Variants in CES1 observed in about 807,000 individuals in gnomAD.
CES1 encodes liver carboxylesterase 1.
CES1 carries 50 observed loss-of-function variants against 53.0 expected under a neutral mutation model. The observed-to-expected ratio is 0.94, with a 90% CI of 0.75 to 1.19. The LOEUF is 1.19. Among genes scored for constraint, CES1 ranks in the 50% most tolerant of loss-of-function variants. CES1 has a pLI of 0.00. For missense variants in CES1, 534 were observed against 538.0 expected (o/e 0.99, Z 0.07); for synonymous variants, 202 against 210.1 (o/e 0.96, Z 0.33).
intron 1 of CES1, among the ~76,000 whole-genome samples, chr16:55,829,250 T>C (rs1251052250): frequency 1.3e-5 from 2 of 152,158 alleles, no homozygotes; most frequent in African/African-American, 4.8e-5. Flanking sequence ...ACATTTAGCT[T>C]CCCCCTTAGA....
At chr16:55,827,659 C>G (rs140652622) in intron 2 of CES1, among the ~76,000 whole-genome samples, 40 of 152,142 alleles carry the variant, frequency 2.6e-4, no homozygotes, top group African/African-American at 9.4e-4. Flanking sequence ...CTTAATGACC[C>G]CAAATAAAAG....
chr16:55,830,773 A>AGAAGGAAG (rs1200351837), intron 1 of CES1, among the ~76,000 whole-genome samples: 12,794 of 75,904 alleles, frequency 0.17, 1,229 homozygotes, highest in Non-Finnish European at 0.22. Flanking sequence ...AAGGAAGGAA[A>AGAAGGAAG]GAAGGAAGGA....
intron 1 of CES1, among the ~76,000 whole-genome samples, chr16:55,831,893 T>C (rs3859098): frequency 0.14 from 19,064 of 137,560 alleles, 196 homozygotes; most frequent in South Asian, 0.21. Context: ...TAAAATGGCA[T>C]GGGGGTATTT....
At position 55,826,301 on chromosome 16, in the gene CES1, G is replaced by T; in HGVS notation, c.261-6C>A. On this transcript the variant is annotated splice_polypyrimidine_tract_variant and splice_region_variant and intron_variant, in intron 2 of 13. Transcript: ENST00000360526. ...CCTTGGGATCTTGGGTGCACCTGGG[G>T]AGGGGGAAAGAAGAACCCCTGAAGT... The T allele has an allele frequency of 6.2e-7, 1 of 1,613,966 alleles. No homozygotes were observed. The highest frequency in any genetic ancestry group is 1.7e-4 in the Middle Eastern group (1 of 6,056).
intron 4 of CES1, among the ~76,000 whole-genome samples, chr16:55,822,464 A>T (rs1478995449): frequency 6.6e-6 from 1 of 152,090 alleles, no homozygotes; most frequent in African/African-American, 2.4e-5. Flanking sequence ...AGCCCAAGGG[A>T]GGATGTGGCA....
chr16:55,813,028 C>T lies in CES1; in HGVS notation c.961G>A (p.Gly321Ser), dbSNP rs138161688. 5.6e-6 allele frequency: 9 copies of T among 1,613,966 alleles called. No individual in the cohort carries two copies. The highest frequency in any genetic ancestry group is 1.1e-5 in the South Asian group (1 of 91,072). ...GDPRESQPLL[G>S]TVIDGMLLLK... ...AGCAGCATCCCATCAATCACAGTGCCCAGAAGGGGTTGACTCTGGGGAGAG... is the reference window on the plus strand; with the variant it reads ...AGCAGCATCCCATCAATCACAGTGCTCAGAAGGGGTTGACTCTGGGGAGAG... Residue 321 changes from glycine to serine, a missense_variant, in exon 9 of 14, where the codon GGC (glycine) becomes AGC (serine). By Grantham distance (56) the Gly-to-Ser change is moderately conservative (BLOSUM62 0). Around this residue, in one of 5 missense-constraint regions of CES1, gnomAD observed 269 missense variants for 206.6 expected, o/e 1.30. Coordinates refer to ENST00000360526, the MANE Select transcript of CES1 (RefSeq NM_001025195.2).
chr16:55,812,774 A>T, intron 9 of CES1, 129 bp downstream of exon 9: 1 of 1,329,710 alleles, frequency 7.5e-7, no homozygotes, highest in South Asian at 1.2e-5. Context: ...TGGAAATGTT[A>T]ACTCCTGCTG....
At chr16:55,827,459 C>T (rs1256310766) in intron 2 of CES1, among the ~76,000 whole-genome samples, 1 of 151,996 alleles carries the variant, frequency 6.6e-6, no homozygotes, top group Non-Finnish European at 1.5e-5. Flanking sequence ...TGCCAAGAGT[C>T]TGCCAAATGG....
intron 2 of CES1, chr16:55,828,151 T>G (rs1597090376): frequency 1.7e-5 from 3 of 174,196 alleles, no homozygotes; most frequent in Admixed American, 1.6e-4. Flanking sequence ...GGGTCCTTCC[T>G]ACCCTGGGGA....
At chr16:55,831,476 T>C (rs1271270646) in intron 1 of CES1, among the ~76,000 whole-genome samples, 2 of 151,212 alleles carry the variant, frequency 1.3e-5, no homozygotes, top group African/African-American at 2.4e-5. Flanking sequence ...TGATGTTATA[T>C]GAAGCACGAA....
chr16:55,831,037 A>G (rs2032646802), intron 1 of CES1, among the ~76,000 whole-genome samples: 1 of 152,186 alleles, frequency 6.6e-6, no homozygotes, highest in South Asian at 2.1e-4. Context: ...GGATGAGCGC[A>G]CTTCAAAGCT....
rs1301531478 is a variant in CES1 at position 55,810,593 on chromosome 16, C to T, written c.1242G>A (p.Lys414=). The change falls in exon 11 of 14, where the codon AAG becomes AAA. Residue 414 remains lysine, a synonymous_variant. Coordinates refer to ENST00000360526, the MANE Select transcript of CES1 (RefSeq NM_001025195.2). ...CTATCAAGTCCAGGAACAGGTCTTT[C>T]TTTTTGACAGTGTCGTCTGTTCCTC... ...YLGGTDDTVK[K]KDLFLDLIAD... The T allele has an allele frequency of 1.9e-6, 3 of 1,614,170 alleles. No homozygotes were observed. The African/African-American group carries it at 4.0e-5, about 22-fold the overall frequency.
At chr16:55,818,034 C>T (rs1324946413) in intron 7 of CES1, among the ~76,000 whole-genome samples, 2 of 152,190 alleles carry the variant, frequency 1.3e-5, no homozygotes, top group African/African-American at 4.8e-5. Flanking sequence ...GAGCCAAGAC[C>T]TAAGCACCAA....
chr16:55,822,430 G>A (rs1465699053), intron 4 of CES1, among the ~76,000 whole-genome samples: 7 of 152,232 alleles, frequency 4.6e-5, no homozygotes, highest in Non-Finnish European at 8.8e-5. Context: ...AGACAGTCCG[G>A]GCTGTCCACA....
At position 55,812,955 on chromosome 16, in the gene CES1, A is replaced by T. The variant is rs1374347944; in HGVS notation, c.1034T>A (p.Val345Asp). 6.2e-7 allele frequency: 1 copy of T among 1,614,046 alleles called. No homozygotes were observed. The highest frequency in any genetic ancestry group is 2.2e-5 in the East Asian group (1 of 44,888). Residue 345 changes from valine (V) to aspartate (D), a missense_variant, in exon 9 of 14, where the codon GTC becomes GAC. By Grantham distance (152) the Val-to-Asp change is radical. Transcript: ENST00000360526. ...CTTGTTAATTCCGACCATGTAGGGG[A>T]CAGTGTGGAAATTCCTTTCAGCTTG... is the stretch of plus-strand genomic sequence containing the variant. ...ELQAERNFHT[V>D]PYMVGINKQE...
At chr16:55,830,592 C>G (rs1160532504) in intron 1 of CES1, among the ~76,000 whole-genome samples, 1 of 152,048 alleles carries the variant, frequency 6.6e-6, no homozygotes, top group Non-Finnish European at 1.5e-5. Flanking sequence ...CATTTGAGGT[C>G]AGGAGTTCAA....
At chr16:55,810,316 C>A (rs1371000767) in intron 11 of CES1, among the ~76,000 whole-genome samples, 1 of 152,152 alleles carries the variant, frequency 6.6e-6, no homozygotes, top group Admixed American at 6.5e-5. Flanking sequence ...AAAAAAACCA[C>A]TTGCCTCTGG....
chr16:55,831,229 A>G (rs1472812378), intron 1 of CES1, among the ~76,000 whole-genome samples: 1 of 152,186 alleles, frequency 6.6e-6, no homozygotes, highest in African/African-American at 2.4e-5. Context: ...GGGAGAGAGA[A>G]CGTTCCCATG....
Position 55,826,242 on chromosome 16 carries a change from C to A in CES1, c.314G>T (p.Arg105Leu), listed in dbSNP as rs201285602. 1.2e-6 allele frequency: 2 copies of A among 1,613,858 alleles called. No homozygotes were observed. Among genetic ancestry groups the A allele is most frequent in the African/African-American group, 2.7e-5 (2 of 74,912 alleles). The change falls in exon 3 of 14, where the codon CGA (arginine) becomes CTA (leucine). Residue 105 changes from arginine (R) to leucine (L), a missense_variant. By Grantham distance (102) the Arg-to-Leu change is moderately radical (BLOSUM62 -2). Around this residue, in one of 5 missense-constraint regions of CES1, gnomAD observed 164 missense variants for 162.4 expected, o/e 1.01. Coordinates refer to ENST00000360526, the MANE Select transcript of CES1 (RefSeq NM_001025195.2). Reference sequence around the variant, plus strand: ...AAGCTTGAGAGGAATGTTCTCCTTTCGGTTTGTAAATAGCTCTGAGAGTAA... The same window carrying A: ...AAGCTTGAGAGGAATGTTCTCCTTTAGGTTTGTAAATAGCTCTGAGAGTAA... ...GQLLSELFTN[R>L]KENIPLKLSE...
Sources: allele counts gnomAD v4.1 joint callset (sites outside exome capture counted in the v4.1 genomes callset), GRCh38; gene constraint gnomAD v4.1.1; regional missense constraint gnomAD v4.1.1; transcripts MANE v1.5; gene names NCBI Gene and HGNC (gene_info 2026-07-23, HGNC 2026-07-21).